Variants in FARP2 observed in about 807,000 individuals in gnomAD.
The protein encoded by FARP2 is FERM, ARH/RhoGEF and pleckstrin domain protein 2, also known as FERM, ARHGEF and pleckstrin domain-containing protein 2.
In FARP2, 111 loss-of-function variants were observed where a neutral mutation model predicts 130.5. The ratio of observed to expected loss-of-function variants is 0.85; its 90% CI spans 0.73 to 1.00. The LOEUF (loss-of-function observed/expected upper bound fraction) is 1.00, where lower values mean the gene tolerates loss of function less well. FARP2 is among the 50% of genes least tolerant of loss of function. FARP2 has a pLI of 0.00. For missense variants in FARP2, 1,385 were observed against 1,346.3 expected, an observed-to-expected ratio of 1.03 and a Z score of -0.45; for synonymous variants, 504 against 516.9, an observed-to-expected ratio of 0.98 and a Z score of 0.34.
intron 2 of FARP2, among the ~76,000 whole-genome samples, chr2:241,391,513 T>C (rs1253074830): frequency 1.3e-5 from 2 of 152,214 alleles, no homozygotes; most frequent in African/African-American, 2.4e-5. Context: ...TTTCCACTGG[T>C]GTCTCTGTGA....
chr2:241,472,927 T>C (rs1389356931), intron 18 of FARP2, among the ~76,000 whole-genome samples: 1 of 151,162 alleles, frequency 6.6e-6, no homozygotes, highest in Non-Finnish European at 1.5e-5. Context: ...GGGGACCCTA[T>C]TCTGAGGGGG....
intron 2 of FARP2, among the ~76,000 whole-genome samples, chr2:241,384,041 G>A (rs991957413): frequency 5.9e-5 from 9 of 151,474 alleles, no homozygotes; most frequent in African/African-American, 1.5e-4. Context: ...CTGTTATCCC[G>A]CTGGGTCATG....
At position 241,436,545 on chromosome 2, in the gene FARP2, C is replaced by T; in HGVS notation, c.1158+7C>T. On this transcript the variant is annotated splice_region_variant and intron_variant, in intron 12 of 26. Coordinates refer to ENST00000264042, the MANE Select transcript of FARP2 (RefSeq NM_014808.4). ...TGCAGACCTACCAAAACAGGTTAGT[C>T]TCTTCCGGTTCAACATGGGGGCAGT... The T allele has an allele frequency of 6.2e-7, 1 of 1,613,574 alleles. No individual in the cohort carries two copies.
At chr2:241,453,514 C>T (rs541845201) in intron 13 of FARP2, among the ~76,000 whole-genome samples, 274 of 150,858 alleles carry the variant, frequency 1.8e-3, no homozygotes, top group Non-Finnish European at 3.3e-3. Context: ...CCCAGCTACT[C>T]GGGAGGCTGA....
At chr2:241,484,392 C>G in intron 21 of FARP2, 61 bp downstream of exon 21, 1 of 1,374,310 alleles carries the variant, frequency 7.3e-7, no homozygotes, top group Non-Finnish European at 1.0e-6. Context: ...CCCCACCTAC[C>G]TCTCTCCTGC....
At chr2:241,400,857 A>C (rs1030473369) in intron 2 of FARP2, among the ~76,000 whole-genome samples, 2 of 152,188 alleles carry the variant, frequency 1.3e-5, no homozygotes, top group East Asian at 3.9e-4. Context: ...GAGTTAGTGC[A>C]GCATACTCCA....
chr2:241,367,060 C>A (rs2061333849), intron 1 of FARP2, among the ~76,000 whole-genome samples: 1 of 152,116 alleles, frequency 6.6e-6, no homozygotes, highest in Non-Finnish European at 1.5e-5. Context: ...GACTGCCCTT[C>A]CTGGTGTTTG....
chr2:241,426,496 T>C (rs2062942655), intron 8 of FARP2, among the ~76,000 whole-genome samples: 1 of 152,112 alleles, frequency 6.6e-6, no homozygotes, highest in Admixed American at 6.6e-5. Flanking sequence ...GTGACAGATG[T>C]TGAGGAGGCA....
chr2:241,462,854 T>A (rs940519788), intron 15 of FARP2, among the ~76,000 whole-genome samples: 5 of 151,950 alleles, frequency 3.3e-5, no homozygotes, highest in African/African-American at 9.7e-5. Flanking sequence ...CACACCCAGC[T>A]AATTTTTGTA....
At chr2:241,429,836 T>C (rs2063048432) in intron 8 of FARP2, among the ~76,000 whole-genome samples, 1 of 152,236 alleles carries the variant, frequency 6.6e-6, no homozygotes, top group African/African-American at 2.4e-5. Context: ...TATTCCCAGC[T>C]GCTCCAGAGG....
At chr2:241,493,213 C>T (rs1037458828) in intron 25 of FARP2, 80 bp from the exon 26 acceptor site, 8 of 1,495,286 alleles carry the variant, frequency 5.4e-6, no homozygotes, top group East Asian at 2.3e-5. Context: ...TACGTGCCAC[C>T]GTTGTGCAGG....
In FARP2 at chr2:241,441,571, C is replaced by T. The variant is rs748097270; in HGVS notation, c.1411+15C>T. ...GCCTGGTCCAGGTGTCGGGTTTTGT[C>T]ATGTCGTGAGCAGCTGTGGTTCTGT... On this transcript the variant is annotated intron_variant, in intron 13 of 26. Transcript: ENST00000264042. 3.7e-6 allele frequency: 6 copies of T among 1,613,912 alleles called. No individual in the cohort carries two copies. In the South Asian group the frequency reaches 6.6e-5, roughly 18 times the overall value.
chr2:241,403,938 T>C lies in FARP2; in HGVS notation c.288+6T>C, dbSNP rs1048844785. On this transcript the variant is annotated splice_donor_region_variant and intron_variant, in intron 3 of 26. Coordinates refer to ENST00000264042, the MANE Select transcript of FARP2 (RefSeq NM_014808.4). ...AAAATACTCAGTCCTACTGGGTAAGTGCTTATGACGTGCCCAGGCGTGGAG... is the reference window on the plus strand; with the variant it reads ...AAAATACTCAGTCCTACTGGGTAAGCGCTTATGACGTGCCCAGGCGTGGAG... The C allele has an allele frequency of 1.9e-6, 3 of 1,563,516 alleles. No individual in the cohort carries two copies. The highest frequency in any genetic ancestry group is 2.7e-5 in the African/African-American group (2 of 73,974).
At position 241,436,363 on chromosome 2, in the gene FARP2, C is replaced by T. The variant is rs2063230122; in HGVS notation, c.1101-118C>T. 2.4e-5 allele frequency: 20 copies of T among 835,890 alleles called. No individual in the cohort carries two copies. In the South Asian group the frequency reaches 2.8e-4, roughly 12 times the overall value. The allele number at this position is 835,890 out of a possible 1,614,324, so 51.8% of individuals were successfully genotyped here. ...CCTGCCCCTTTCAAGTTAGATACCT[C>T]TTAGCTACATTTTCTTGTGAGGTTT... On this transcript the variant is annotated intron_variant, in intron 11 of 26. Transcript: ENST00000264042.
At chr2:241,463,191 G>A in intron 15 of FARP2, 144 bp from the exon 16 acceptor site, 1 of 707,434 alleles carries the variant, frequency 1.4e-6, no homozygotes, top group Non-Finnish European at 2.3e-6. Context: ...AAAGAGGATG[G>A]CTGTAGTGCT....
chr2:241,483,715 A>C (rs1031119213), intron 20 of FARP2, 182 bp downstream of exon 20: 33 of 837,360 alleles, frequency 3.9e-5, no homozygotes, highest in Non-Finnish European at 4.6e-5. Flanking sequence ...GAGTGGGAAG[A>C]AGCAGAAAAC....
intron 17 of FARP2, chr2:241,466,690 C>T (rs1463556860): frequency 3.2e-6 from 1 of 311,196 alleles, no homozygotes; most frequent in African/African-American, 3.9e-5. Flanking sequence ...CTTCCAACCA[C>T]CCCCCCCCCC....
chr2:241,466,879 C>G (rs1258687206), intron 17 of FARP2, among the ~76,000 whole-genome samples: 1 of 152,074 alleles, frequency 6.6e-6, no homozygotes, highest in Admixed American at 6.6e-5. Context: ...GTCCCCATTC[C>G]TTTATGATAG....
At chr2:241,467,198 G>A (rs890890443) in intron 17 of FARP2, among the ~76,000 whole-genome samples, 2 of 152,224 alleles carry the variant, frequency 1.3e-5, no homozygotes, top group African/African-American at 2.4e-5. Flanking sequence ...TGAGGCTGCA[G>A]TGAGCTATGA....
Sources: allele counts gnomAD v4.1 joint callset (sites outside exome capture counted in the v4.1 genomes callset), GRCh38; gene constraint gnomAD v4.1.1; transcripts MANE v1.5; gene names NCBI Gene and HGNC (gene_info 2026-07-23, HGNC 2026-07-21).